Variants in ARHGEF1 observed in about 807,000 individuals in gnomAD.
ARHGEF1 encodes the protein 115 kDa guanine nucleotide exchange factor.
Under a neutral mutation model 119.7 loss-of-function variants are expected in ARHGEF1, and 40 were observed. The observed-to-expected ratio is 0.33, with a 90% CI of 0.26 to 0.44. ARHGEF1 has a LOEUF of 0.44. Among genes scored for constraint, ARHGEF1 ranks in the 20% least tolerant of loss-of-function variants. The probability of loss-of-function intolerance (pLI) is 1.00; values close to 1 mark genes in which losing one functional copy is unlikely to be tolerated. For synonymous variants in ARHGEF1, 494 were observed against 521.0 expected (o/e 0.95, Z 0.71); for missense variants, 976 against 1,268.3 (o/e 0.77, Z 3.50).
chr19:41,884,650 C>A (rs2074266558), intron 1 of ARHGEF1, among the ~76,000 whole-genome samples: 2 of 152,124 alleles, frequency 1.3e-5, no homozygotes, highest in African/African-American at 4.8e-5. Context: ...AGACCCGCCT[C>A]ATTCCGTATA....
chr19:41,914,014 GC>G (rs1410577082), intron 18 of ARHGEF1, among the ~76,000 whole-genome samples: 1 of 138,408 alleles, frequency 7.2e-6, no homozygotes, highest in Non-Finnish European at 1.6e-5. Context: ...GCTCCCATGC[GC>G]CCCCCAGCCA....
chr19:41,928,942 G>T (rs1390876297), exon 2 of ARHGEF1: 1 of 456,016 alleles, frequency 2.2e-6, no homozygotes, highest in East Asian at 7.0e-5. Context: ...CCGCACACAC[G>T]CAGCCTGGAT....
At chr19:41,922,603 C>T (rs560347344), upstream of ARHGEF1, among the ~76,000 whole-genome samples, 18 of 151,666 alleles carry the variant, frequency 1.2e-4, no homozygotes, top group Middle Eastern at 3.4e-3. Flanking sequence ...AGAGAGACTC[C>T]GAGGGACGAG....
intron 1 of ARHGEF1, among the ~76,000 whole-genome samples, chr19:41,886,691 C>T (rs1199502131): frequency 1.3e-5 from 2 of 152,224 alleles, no homozygotes; most frequent in Non-Finnish European, 2.9e-5. Flanking sequence ...GATGCCTTCC[C>T]CAGGTGGACC....
rs368181664 is a variant in ARHGEF1 at position 41,902,899 on chromosome 19, G to C, written c.1738+1G>C. The C allele has an allele frequency of 6.3e-7, 1 of 1,584,188 alleles. No homozygotes were observed. On this transcript the variant is annotated splice_donor_variant, in intron 18 of 28. Transcript: ENST00000354532. LOFTEE classifies it high-confidence loss of function. The surrounding 1 kb of genome is among the most constrained non-coding windows in gnomAD (Gnocchi z 6.5). ...CTGCAGAGCATCGGGCAGAACACAG[G>C]TACCGCGGGCCTGGATCTCTGGGCC...
rs1266768210 is a variant in ARHGEF1, at chr19:41,916,188, C to T, written c.1866-6904C>T. 2.0e-5 allele frequency among the ~76,000 whole-genome samples: 3 copies of T among 151,832 alleles called. No individual in the cohort carries two copies. Among genetic ancestry groups the T allele is most frequent in the Non-Finnish European group, 4.4e-5 (3 of 67,942 alleles). The stretch of plus-strand genomic sequence containing the variant: ...ACCAACCCAGGCACGCACACCACCA[C>T]GTCCCACACAGCACACATCGCACAG... On this transcript the variant is annotated intron_variant, in intron 18 of 20. Coordinates refer to the ARHGEF1 transcript ENST00000599589. This position sits in a 1 kb window ranked among gnomAD's most constrained non-coding sequence, Gnocchi z 5.4.
Position 41,906,391 on chromosome 19 carries a change from C to A in ARHGEF1, c.2492-66C>A. On this transcript the variant is annotated intron_variant, in intron 26 of 28. Coordinates refer to ENST00000354532, the MANE Select transcript of ARHGEF1 (RefSeq NM_004706.4). This position sits in a 1 kb window ranked among gnomAD's most constrained non-coding sequence, Gnocchi z 4.5. Reference sequence around the variant, plus strand: ...AGCCCCTACACATCCCCTTTGGAATCCCCCATCCCAGATCCCAGCCCAGCC... The same window carrying A: ...AGCCCCTACACATCCCCTTTGGAATACCCCATCCCAGATCCCAGCCCAGCC... 1 of 1,469,240 alleles carries A rather than the reference C, an allele frequency of 6.8e-7. No individual in the cohort carries two copies. The highest frequency in any genetic ancestry group is 9.1e-7 in the Non-Finnish European group (1 of 1,097,584). 91.0% of individuals were successfully genotyped at this position (1,469,240 alleles called of 1,614,324 possible).
At chr19:41,897,017 T>C (rs1175050745) in intron 13 of ARHGEF1, 1 of 419,230 alleles carries the variant, frequency 2.4e-6, no homozygotes, top group Non-Finnish European at 4.7e-6. Flanking sequence ...CCACCTTCCA[T>C]CCCCCTCCGA....
upstream of ARHGEF1, among the ~76,000 whole-genome samples, chr19:41,919,512 TACACACAC>T (rs60525805): frequency 2.0e-5 from 3 of 146,486 alleles, no homozygotes; most frequent in Non-Finnish European, 4.6e-5. Context: ...CGTGCACGCG[TACACACAC>T]ACACACACAC....
At chr19:41,909,571 G>T, downstream of ARHGEF1, 2 of 991,894 alleles carry the variant, frequency 2.0e-6, no homozygotes, top group Non-Finnish European at 2.7e-6. This position sits in a 1 kb window ranked among gnomAD's most constrained non-coding sequence, Gnocchi z 5.2. Context: ...GGTGCACAGA[G>T]CACTAGAACT....
chr19:41,884,559 C>T, intron 1 of ARHGEF1: 1 of 1,581,160 alleles, frequency 6.3e-7, no homozygotes. Flanking sequence ...GCATCCCTGG[C>T]CGTGCACACT....
intron 7 of ARHGEF1, 89 bp from the exon 8 acceptor site, chr19:41,893,185 C>A: frequency 6.4e-7 from 1 of 1,561,822 alleles, no homozygotes; most frequent in Non-Finnish European, 8.8e-7. Context: ...CCCTGCCTAT[C>A]CCAGGACAGC....
rs2123379676 is a variant in ARHGEF1 at position 41,889,125 on chromosome 19, G to C, written c.225+260G>C. 1 of 396,518 alleles carries C rather than the reference G, an allele frequency of 2.5e-6. No homozygotes were observed. Among genetic ancestry groups the C allele is most frequent in the Middle Eastern group, 7.1e-4 (1 of 1,400 alleles). The allele number at this position is 396,518 out of a possible 1,614,324, so 24.6% of individuals were successfully genotyped here. On this transcript the variant is annotated intron_variant, in intron 4 of 28. Coordinates refer to ENST00000354532, the MANE Select transcript of ARHGEF1 (RefSeq NM_004706.4). This position sits in a 1 kb window ranked among gnomAD's most constrained non-coding sequence, Gnocchi z 4.0. The stretch of plus-strand genomic sequence containing the variant: ...CACGTCAGGACCCCGCGGAGCCACA[G>C]AGAGTCCAGCAGCCTGGCAGAAACC...
chr19:41,887,790 C>T (rs537112655), intron 1 of ARHGEF1, among the ~76,000 whole-genome samples: 17 of 152,286 alleles, frequency 1.1e-4, no homozygotes, highest in African/African-American at 4.1e-4. Flanking sequence ...GCATTAGGGA[C>T]CCCAGATTGC....
In ARHGEF1 at chr19:41,907,097, T is replaced by C. The variant is rs760324988; in HGVS notation, c.*18-8T>C. On this transcript the variant is annotated splice_polypyrimidine_tract_variant and splice_region_variant and intron_variant, in intron 28 of 28. Transcript: ENST00000354532. ...TCCCCGTCTCCCCTCTTCTCCTACA[T>C]CCCCCAGGCCTTTTGCAAGAAGGAG... 19 of 1,500,832 alleles carry C rather than the reference T, an allele frequency of 1.3e-5. No individual in the cohort carries two copies. The highest frequency in any genetic ancestry group is 1.7e-5 in the Non-Finnish European group (19 of 1,132,196). The allele number at this position is 1,500,832 out of a possible 1,614,324, so 93.0% of individuals were successfully genotyped here. A position where few individuals can be genotyped will look rare whatever the true frequency, so the allele number is the denominator to read the frequency against.
chr19:41,907,005 C>T, intron 28 of ARHGEF1, 100 bp from the exon 29 acceptor site: 3 of 1,195,892 alleles, frequency 2.5e-6, no homozygotes, highest in Non-Finnish European at 3.4e-6. Context: ...CTCCCCACCT[C>T]CCCTTCTCTC....
chr19:41,892,677 G>A lies in ARHGEF1; in HGVS notation c.442G>A (p.Val148Ile), dbSNP rs782727886. 37 of 1,613,576 alleles carry A rather than the reference G, an allele frequency of 2.3e-5. No individual in the cohort carries two copies. The South Asian group carries it at 3.7e-4, about 16-fold the overall frequency. ...GCAGGAGGTGGTGCAAAGCCAGCAGGTAGCCGTGGGCCGGCAGCTGGAGGA... is the reference window on the plus strand; with the variant it reads ...GCAGGAGGTGGTGCAAAGCCAGCAGATAGCCGTGGGCCGGCAGCTGGAGGA... ...FVQEVVQSQQ[V>I]AVGRQLEDFR... The change falls in exon 7 of 29, where the codon GTA becomes ATA. Residue 148 changes from valine to isoleucine, a missense_variant. Transcript: ENST00000354532. This position sits in a 1 kb window ranked among gnomAD's most constrained non-coding sequence, Gnocchi z 6.3.
rs1568824833 is a variant in ARHGEF1, at chr19:41,904,951, C to T, written c.2164C>T (p.His722Tyr). The change falls in exon 23 of 29, where the codon CAC becomes TAC. Residue 722 changes from histidine (H) to tyrosine (Y), a missense_variant and splice_region_variant. This residue lies in a region of ARHGEF1 where 286 missense variants were observed against 506.8 expected (regional missense o/e 0.56). Coordinates refer to ENST00000354532, the MANE Select transcript of ARHGEF1 (RefSeq NM_004706.4). This position sits in a 1 kb window ranked among gnomAD's most constrained non-coding sequence, Gnocchi z 8.4. ...SAMTREVATD[H>Y]KAFYVLFTWD... The stretch of plus-strand genomic sequence containing the variant: ...CCCATCTCCCCCTCTCCCTGCAGAT[C>T]ACAAAGCCTTCTACGTCCTTTTTAC... 2 of 1,613,870 alleles carry T rather than the reference C, an allele frequency of 1.2e-6. No homozygotes were observed. The highest frequency in any genetic ancestry group is 2.2e-5 in the East Asian group (1 of 44,868).
At chr19:41,896,235 C>CG (rs2074482960) in intron 12 of ARHGEF1, 142 bp from the exon 13 acceptor site, 1 of 449,546 alleles carries the variant, frequency 2.2e-6, no homozygotes, top group African/African-American at 2.0e-5. Context: ...AACATCTGTC[C>CG]GTCCCGTGCT....
Sources: gnomAD v4.1 joint callset for allele counts (sites outside exome capture counted in the v4.1 genomes callset) on GRCh38, gnomAD v4.1.1 for gene constraint, gnomAD v4.1.1 regional missense constraint, Gnocchi (gnomAD v3.1) non-coding constraint, MANE v1.5 for transcripts, NCBI Gene and HGNC (gene_info 2026-07-23, HGNC 2026-07-21) for gene names.